POU6F2: variants seen among roughly 807,000 people sequenced by gnomAD.
POU6F2 encodes POU domain, class 6, transcription factor 2.
POU6F2 carries 31 observed loss-of-function variants against 71.3 expected under a neutral mutation model. The observed-to-expected ratio is 0.43, with a 90% CI of 0.33 to 0.59. POU6F2 has a LOEUF of 0.59. POU6F2 is among the 20% of genes least tolerant of loss of function. The probability of loss-of-function intolerance (pLI) is 0.04; values close to 1 mark genes in which losing one functional copy is unlikely to be tolerated. For missense variants in POU6F2, 783 were observed against 856.8 expected (o/e 0.91, Z 1.07); for synonymous variants, 347 against 355.7 (o/e 0.98, Z 0.27).
intron 1 of POU6F2, chr7:38,984,316 T>C (rs1442044756): frequency 1.3e-5 from 2 of 152,188 alleles, no homozygotes; most frequent in Non-Finnish European, 1.5e-5. Flanking sequence ...CATCAGCTTT[T>C]CTTCTCTTTT....
intron 7 of POU6F2, among the ~76,000 whole-genome samples, chr7:39,447,651 A>C (rs1788555457): frequency 6.6e-6 from 1 of 152,244 alleles, no homozygotes; most frequent in South Asian, 2.1e-4. Context: ...CCTTTCAAAA[A>C]TTAAGACAAT....
chr7:39,136,581 AT>A (rs1792393191), intron 2 of POU6F2, among the ~76,000 whole-genome samples: 1 of 152,202 alleles, frequency 6.6e-6, no homozygotes, highest in African/African-American at 2.4e-5. Flanking sequence ...TAAGAAGGCA[AT>A]TTTAATATGC....
chr7:39,246,657 T>C (rs1355721923), intron 4 of POU6F2, among the ~76,000 whole-genome samples: 1 of 152,172 alleles, frequency 6.6e-6, no homozygotes, highest in East Asian at 1.9e-4. Context: ...CTAATTCCTC[T>C]CAATGGTTTA....
chr7:39,257,303 A>T (rs1224837058), intron 4 of POU6F2, among the ~76,000 whole-genome samples: 1 of 152,236 alleles, frequency 6.6e-6, no homozygotes, highest in Non-Finnish European at 1.5e-5. Context: ...ACAACTTCTG[A>T]AAAACCTAGA....
intron 2 of POU6F2, among the ~76,000 whole-genome samples, chr7:39,179,381 G>T (rs1793390662): frequency 6.6e-6 from 1 of 152,266 alleles, no homozygotes; most frequent in South Asian, 2.1e-4. Flanking sequence ...GCAGGTTGTA[G>T]TGGTATCCTC....
intron 1 of POU6F2, among the ~76,000 whole-genome samples, chr7:39,060,725 A>G (rs1790639351): frequency 6.6e-6 from 1 of 152,184 alleles, no homozygotes; most frequent in Non-Finnish European, 1.5e-5. Context: ...CTCTGCACAA[A>G]TAGAATGATG....
intron 7 of POU6F2, among the ~76,000 whole-genome samples, chr7:39,436,113 T>C (rs1220954690): frequency 6.6e-6 from 1 of 152,218 alleles, no homozygotes; most frequent in Non-Finnish European, 1.5e-5. Flanking sequence ...TGGGGTCTTC[T>C]TTGATTCCAT....
chr7:39,377,777 G>A (rs1786740391), intron 5 of POU6F2, among the ~76,000 whole-genome samples: 1 of 152,118 alleles, frequency 6.6e-6, no homozygotes, highest in African/African-American at 2.4e-5. Context: ...GACTAGGGAG[G>A]GGGAACTTGC....
chr7:39,025,248 C>T (rs1041886224), intron 1 of POU6F2, among the ~76,000 whole-genome samples: 8 of 152,100 alleles, frequency 5.3e-5, no homozygotes, highest in Non-Finnish European at 1.0e-4. Context: ...GTGTATGTGT[C>T]AGGGAATTTA....
intron 1 of POU6F2, among the ~76,000 whole-genome samples, chr7:39,030,542 A>ATATATATATT (rs1789917707): frequency 7.5e-6 from 1 of 133,764 alleles, no homozygotes; most frequent in African/African-American, 2.7e-5. Flanking sequence ...ATATATATAT[A>ATATATATATT]TACACACACA....
At chr7:38,984,034 C>T (rs776213520) in intron 1 of POU6F2, among the ~76,000 whole-genome samples, 1 of 152,060 alleles carries the variant, frequency 6.6e-6, no homozygotes, top group Non-Finnish European at 1.5e-5. Flanking sequence ...AGGTGAAATG[C>T]AACCCTATTC....
At chr7:39,265,853 A>G (rs753623210) in intron 4 of POU6F2, among the ~76,000 whole-genome samples, 1 of 152,212 alleles carries the variant, frequency 6.6e-6, no homozygotes, top group Non-Finnish European at 1.5e-5. Flanking sequence ...CAGACGACTC[A>G]CTATGAGTCT....
At chr7:39,318,253 A>G (rs1785312295) in intron 4 of POU6F2, among the ~76,000 whole-genome samples, 1 of 152,122 alleles carries the variant, frequency 6.6e-6, no homozygotes, top group Admixed American at 6.5e-5. Context: ...AGAGACCAGC[A>G]CTACTCACGG....
intron 6 of POU6F2, among the ~76,000 whole-genome samples, chr7:39,423,651 A>G (rs1787905044): frequency 6.6e-6 from 1 of 152,244 alleles, no homozygotes; most frequent in African/African-American, 2.4e-5. Context: ...TTGTACAAAT[A>G]TAACCAAGCT....
intron 2 of POU6F2, among the ~76,000 whole-genome samples, chr7:39,171,541 G>T (rs1793219054): frequency 6.6e-6 from 1 of 151,984 alleles, no homozygotes; most frequent in East Asian, 1.9e-4. Context: ...CCAAAATATT[G>T]AGTCAAAAAG....
chr7:39,387,354 TGCATCC>T (rs1259300563), intron 5 of POU6F2, among the ~76,000 whole-genome samples: 1 of 152,232 alleles, frequency 6.6e-6, no homozygotes, highest in Non-Finnish European at 1.5e-5. Flanking sequence ...CTAATACGTG[TGCATCC>T]TTTCCATTGC....
chr7:39,281,131 A>G (rs1784555392), intron 4 of POU6F2, among the ~76,000 whole-genome samples: 1 of 152,196 alleles, frequency 6.6e-6, no homozygotes, highest in Non-Finnish European at 1.5e-5. Context: ...TTTTGATAAA[A>G]TATACATAAA....
At chr7:39,463,196 G>A (rs1029227943) in intron 9 of POU6F2, among the ~76,000 whole-genome samples, 3 of 152,238 alleles carry the variant, frequency 2.0e-5, no homozygotes, top group Non-Finnish European at 4.4e-5. Context: ...CATTGAGAGT[G>A]AGTGTGAGTT....
intron 4 of POU6F2, among the ~76,000 whole-genome samples, chr7:39,317,112 A>G (rs1426799510): frequency 2.0e-5 from 3 of 152,218 alleles, no homozygotes; most frequent in East Asian, 3.8e-4. Context: ...TCTTTTTCTC[A>G]AATCCCACCC....
Sources: gnomAD v4.1 joint callset for allele counts (sites outside exome capture counted in the v4.1 genomes callset) on GRCh38, gnomAD v4.1.1 for gene constraint, MANE v1.5 for transcripts, NCBI Gene and HGNC (gene_info 2026-07-23, HGNC 2026-07-21) for gene names.